BIRC6: variants seen among roughly 807,000 people sequenced by gnomAD.
The protein encoded by BIRC6 is baculoviral IAP repeat containing 6, also known as dual E2 ubiquitin-conjugating enzyme/E3 ubiquitin-protein ligase BIRC6.
BIRC6 carries 98 observed loss-of-function variants against 503.3 expected under a neutral mutation model. That is an observed-to-expected ratio of 0.19 (90% CI 0.17 to 0.23). The LOEUF is 0.23. Ranked by LOEUF, BIRC6 falls within the 10% of genes least tolerant of loss-of-function variation. The pLI is 1.00. For missense variants in BIRC6, 5,360 were observed against 5,806.0 expected (o/e 0.92, Z 2.50); for synonymous variants, 2,240 against 2,078.7 (o/e 1.08, Z -2.11).
intron 73 of BIRC6, among the ~76,000 whole-genome samples, chr2:32,617,377 G>C (rs545286190): frequency 2.0e-5 from 3 of 152,294 alleles, no homozygotes; most frequent in Non-Finnish European, 2.9e-5. Context: ...CTCCAGCCTG[G>C]GCAACAGAGC....
intron 47 of BIRC6, 128 bp downstream of exon 47, chr2:32,502,016 A>G (rs981682574): frequency 2.3e-6 from 2 of 870,184 alleles, no homozygotes; most frequent in Non-Finnish European, 1.6e-6. Flanking sequence ...TCAGTACAAG[A>G]GGGCTGTGGA....
rs367602423 is a variant in BIRC6, at chr2:32,515,169, G to T, written c.10748G>T (p.Ser3583Ile). Residue 3583 changes from serine (S) to isoleucine (I), a missense_variant, in exon 55 of 74, where the codon AGC becomes ATC. Transcript: ENST00000421745. ...CHHRLSMTDD[S>I]KKQDLSSSLT... is the part of the protein sequence containing the mutation. ...CATAGACTGTCCATGACAGATGATAGCAAAAAGCAGGATCTTAGTTCATCT... is the reference window on the plus strand; with the variant it reads ...CATAGACTGTCCATGACAGATGATATCAAAAAGCAGGATCTTAGTTCATCT... 4 of 1,613,908 alleles carry T rather than the reference G, an allele frequency of 2.5e-6. No individual in the cohort carries two copies. Among genetic ancestry groups the T allele is most frequent in the Non-Finnish European group, 3.4e-6 (4 of 1,179,870 alleles).
chr2:32,604,194 A>G (rs1299869275), intron 71 of BIRC6, among the ~76,000 whole-genome samples: 1 of 152,206 alleles, frequency 6.6e-6, no homozygotes, highest in African/African-American at 2.4e-5. Flanking sequence ...TGATGAAAAT[A>G]TAGGTTCTAA....
At chr2:32,573,561 C>G (rs539594049) in intron 65 of BIRC6, among the ~76,000 whole-genome samples, 3 of 152,238 alleles carry the variant, frequency 2.0e-5, no homozygotes, top group Non-Finnish European at 4.4e-5. Context: ...ATCCTTATCT[C>G]ACGTTATTCA....
Position 32,618,396 on chromosome 2 carries a change from A to G in BIRC6, c.*492A>G, listed in dbSNP as rs1289506792. On this transcript the variant is annotated 3_prime_UTR_variant, in exon 74 of 74. Transcript: ENST00000421745. ...CTGAAGACCTCCTACATACACTTCA[A>G]TAAAAGTTAAATGGACATACTCCCT... 1 of 152,262 alleles carries G rather than the reference A, an allele frequency of 6.6e-6. No homozygotes were observed. Among genetic ancestry groups the G allele is most frequent in the Non-Finnish European group, 1.5e-5 (1 of 68,066 alleles). The allele number at this position is 152,262 out of a possible 1,614,324, so 9.4% of individuals were successfully genotyped here.
intron 37 of BIRC6, among the ~76,000 whole-genome samples, chr2:32,480,994 GTAACAT>G (rs2050339862): frequency 6.6e-6 from 1 of 151,900 alleles, no homozygotes; most frequent in Non-Finnish European, 1.5e-5. Flanking sequence ...TTAATACTGG[GTAACAT>G]TACCTGTAAT....
rs372023645 is a variant in BIRC6 at position 32,505,220 on chromosome 2, A to G, written c.9700+15A>G. On this transcript the variant is annotated intron_variant, in intron 50 of 73. Transcript: ENST00000421745. ...ATCTCTTGCAAGTGAGTAATATTTT[A>G]TAAAGAAGCATCATGAGAACAAGCT... 3.9e-6 allele frequency: 6 copies of G among 1,524,910 alleles called. No homozygotes were observed. Among genetic ancestry groups the G allele is most frequent in the Non-Finnish European group, 4.5e-6 (5 of 1,122,562 alleles). 94.5% of individuals were successfully genotyped at this position (1,524,910 alleles called of 1,614,324 possible). A position where few individuals can be genotyped will look rare whatever the true frequency, so the allele number is the denominator to read the frequency against.
chr2:32,501,664 C>T, intron 46 of BIRC6, 49 bp from the exon 47 acceptor site: 1 of 1,502,256 alleles, frequency 6.7e-7, no homozygotes, highest in African/African-American at 1.4e-5. Context: ...AGCCACTGCG[C>T]CTGGCTGGAT....
chr2:32,372,171 C>G (rs1558548613), intron 1 of BIRC6, among the ~76,000 whole-genome samples: 3 of 152,070 alleles, frequency 2.0e-5, no homozygotes, highest in Non-Finnish European at 2.9e-5. Flanking sequence ...GTAAAGTTGT[C>G]TATTTTTTGT....
chr2:32,454,053 T>A, intron 23 of BIRC6, 111 bp downstream of exon 23: 1 of 962,332 alleles, frequency 1.0e-6, no homozygotes, highest in Non-Finnish European at 1.4e-6. Flanking sequence ...TGCTGTTAAG[T>A]GGAAATTTAT....
At position 32,510,654 on chromosome 2, in the gene BIRC6, T is replaced by C; in HGVS notation, c.10346+20T>C. ...AGACAGGTACGATTTTATTTTTCAT[T>C]TAATTAAGCACACACATGCACATAA... On this transcript the variant is annotated intron_variant, in intron 53 of 73. Coordinates refer to ENST00000421745, the MANE Select transcript of BIRC6 (RefSeq NM_016252.4). 1 of 1,461,566 alleles carries C rather than the reference T, an allele frequency of 6.8e-7. No homozygotes were observed. The highest frequency in any genetic ancestry group is 1.1e-5 in the South Asian group (1 of 87,044). The allele number at this position is 1,461,566 out of a possible 1,614,324, so 90.5% of individuals were successfully genotyped here.
chr2:32,460,336 G>A (rs2047753788), intron 23 of BIRC6, among the ~76,000 whole-genome samples: 2 of 131,140 alleles, frequency 1.5e-5, no homozygotes, highest in South Asian at 2.5e-4. Context: ...TGGAGTGATG[G>A]CACAATCTTG....
chr2:32,597,549 C>A (rs2061754140), intron 68 of BIRC6, among the ~76,000 whole-genome samples: 1 of 152,156 alleles, frequency 6.6e-6, no homozygotes, highest in African/African-American at 2.4e-5. Context: ...ATGTGAAAGA[C>A]AAGAGTCCAT....
rs545802556 is a variant in BIRC6 at position 32,371,541 on chromosome 2, AT to A, written c.326-6041del. On this transcript the variant is annotated intron_variant, in intron 1 of 73. Coordinates refer to ENST00000421745, the MANE Select transcript of BIRC6 (RefSeq NM_016252.4). ...AGGTTCATGCCGCCATGCCCGGCTA[AT>A]TTTTTGTATTTTAGTAGAGACAAAA... Among the ~76,000 whole-genome samples the A allele has an allele frequency of 7.7e-3, 1,168 of 151,474 alleles. 8 individuals are homozygous for A. The highest frequency in any genetic ancestry group is 0.021 in the Middle Eastern group (6 of 290).
At chr2:32,373,528 C>T (rs140575097) in intron 1 of BIRC6, among the ~76,000 whole-genome samples, 2 of 152,142 alleles carry the variant, frequency 1.3e-5, no homozygotes, top group Admixed American at 6.6e-5. Context: ...ACTGGATACT[C>T]ACGTGCAAAA....
intron 11 of BIRC6, among the ~76,000 whole-genome samples, chr2:32,429,825 C>G (rs191562848): frequency 6.6e-6 from 1 of 152,224 alleles, no homozygotes; most frequent in Admixed American, 6.5e-5. Flanking sequence ...TCATAGTAGC[C>G]TGCTTCTCAA....
At chr2:32,578,979 A>ATATATATATATATATATAT (rs1424095222) in intron 66 of BIRC6, among the ~76,000 whole-genome samples, 39 of 74,300 alleles carry the variant, frequency 5.2e-4, no homozygotes, top group African/African-American at 2.2e-3. Flanking sequence ...TTATATACCT[A>ATATATATATATATATATAT]ATATATATAT....
At chr2:32,509,094 A>G (rs542831741) in intron 51 of BIRC6, among the ~76,000 whole-genome samples, 4 of 151,926 alleles carry the variant, frequency 2.6e-5, no homozygotes, top group African/African-American at 9.7e-5. Flanking sequence ...TAGGATTTCT[A>G]TTTTCAAGGT....
At chr2:32,539,431 A>C (rs1455847350) in intron 61 of BIRC6, among the ~76,000 whole-genome samples, 1 of 152,228 alleles carries the variant, frequency 6.6e-6, no homozygotes. Flanking sequence ...ATGCTGGCCT[A>C]TACAAAAAGT....
Sources: gnomAD v4.1 joint callset for allele counts (sites outside exome capture counted in the v4.1 genomes callset) on GRCh38, gnomAD v4.1.1 for gene constraint, MANE v1.5 for transcripts, NCBI Gene and HGNC (gene_info 2026-07-23, HGNC 2026-07-21) for gene names.